Variants in RNF13 observed in about 807,000 individuals in gnomAD.
RNF13 encodes the protein E3 ubiquitin-protein ligase RNF13.
RNF13 carries 19 observed loss-of-function variants against 37.7 expected under a neutral mutation model. The ratio of observed to expected loss-of-function variants is 0.50; its 90% CI spans 0.35 to 0.74. RNF13 has a LOEUF of 0.74. Ranked by LOEUF, RNF13 falls within the 30% of genes least tolerant of loss-of-function variation. The pLI is 0.01. For missense variants in RNF13, 375 were observed against 453.0 expected (o/e 0.83, Z 1.56); for synonymous variants, 144 against 157.8 (o/e 0.91, Z 0.65).
At chr3:149,871,562 A>G (rs1056850751) in intron 3 of RNF13, among the ~76,000 whole-genome samples, 2 of 151,724 alleles carry the variant, frequency 1.3e-5, no homozygotes, top group African/African-American at 4.8e-5. Context: ...AGTTTTTGCT[A>G]TTAAAAATAA....
At chr3:149,813,109 CGCGTGA>C (rs1343475809), upstream of RNF13, 1 of 152,264 alleles carries the variant, frequency 6.6e-6, no homozygotes, top group East Asian at 1.9e-4. Context: ...AGCGAGACTC[CGCGTGA>C]GAGTGGGAAA....
At chr3:149,819,356 C>T (rs1719802874) in intron 1 of RNF13, among the ~76,000 whole-genome samples, 1 of 152,128 alleles carries the variant, frequency 6.6e-6, no homozygotes, top group Middle Eastern at 3.4e-3. Context: ...AAAATATTAC[C>T]TAATATATAG....
intron 1 of RNF13, among the ~76,000 whole-genome samples, chr3:149,833,338 AT>A (rs1721266891): frequency 6.6e-6 from 1 of 152,032 alleles, no homozygotes; most frequent in African/African-American, 2.4e-5. Flanking sequence ...CAGGCAGGCC[AT>A]TATCTCTTAT....
In RNF13 at chr3:149,921,489, C is replaced by A. The variant is rs548225132; in HGVS notation, c.700+262C>A. ...CCAACAGGCCCTGTTGTGTGATGTT[C>A]CCCTCCCTGTGTCCATGTGTTCTCA... is the stretch of plus-strand genomic sequence containing the variant. On this transcript the variant is annotated intron_variant, in intron 8 of 9. Coordinates refer to ENST00000392894, the MANE Select transcript of RNF13 (RefSeq NM_183381.3). 5.9e-5 allele frequency among the ~76,000 whole-genome samples: 9 copies of A among 151,842 alleles called. No individual in the cohort carries two copies. The South Asian group carries it at 1.9e-3, about 32-fold the overall frequency.
chr3:149,933,726 G>A (rs572170977), intron 8 of RNF13, among the ~76,000 whole-genome samples: 55 of 151,908 alleles, frequency 3.6e-4, no homozygotes, highest in African/African-American at 1.3e-3. Flanking sequence ...TGGGACTATA[G>A]GTACCCACGA....
At chr3:149,915,288 T>C (rs1717390090) in intron 7 of RNF13, among the ~76,000 whole-genome samples, 1 of 152,206 alleles carries the variant, frequency 6.6e-6, no homozygotes. Flanking sequence ...TAATTTTTTA[T>C]ACTTGGATAT....
chr3:149,851,099 G>T (rs1394648898), intron 2 of RNF13: 1 of 152,172 alleles, frequency 6.6e-6, no homozygotes, highest in African/African-American at 2.4e-5. Flanking sequence ...CATACAGTGA[G>T]AGGCAAAGGT....
chr3:149,824,737 T>A (rs1485086609), intron 1 of RNF13, among the ~76,000 whole-genome samples: 1 of 151,922 alleles, frequency 6.6e-6, no homozygotes, highest in East Asian at 1.9e-4. Context: ...ATTATATGAT[T>A]ATGTCTAGTT....
intron 3 of RNF13, among the ~76,000 whole-genome samples, chr3:149,871,621 A>G (rs766288577): frequency 1.9e-4 from 29 of 151,610 alleles, no homozygotes; most frequent in Non-Finnish European, 2.1e-4. Context: ...TCAGGCTAGC[A>G]TTTCTGCAGA....
chr3:149,828,614 A>G (rs897034068), intron 1 of RNF13, among the ~76,000 whole-genome samples: 1 of 152,162 alleles, frequency 6.6e-6, no homozygotes. Context: ...ACTGGTGACA[A>G]CAGTGGTATT....
chr3:149,896,038 C>CTTTCT (rs961279918), intron 5 of RNF13, among the ~76,000 whole-genome samples: 5 of 152,100 alleles, frequency 3.3e-5, no homozygotes, highest in Admixed American at 6.5e-5. Context: ...ATGGGAATGT[C>CTTTCT]TTTCTTTACT....
chr3:149,948,659 A>G (rs551750208), intron 8 of RNF13, among the ~76,000 whole-genome samples: 1 of 152,318 alleles, frequency 6.6e-6, no homozygotes, highest in South Asian at 2.1e-4. Flanking sequence ...CTCCCATTCT[A>G]TGTTATTGAT....
intron 4 of RNF13, among the ~76,000 whole-genome samples, chr3:149,872,891 C>A (rs1349903960): frequency 6.6e-6 from 1 of 152,168 alleles, no homozygotes; most frequent in Non-Finnish European, 1.5e-5. Context: ...ATGATACCTC[C>A]ATAGTAAACT....
chr3:149,908,827 AATTAGACAGGTT>A (rs1716689901), intron 6 of RNF13, among the ~76,000 whole-genome samples: 1 of 152,186 alleles, frequency 6.6e-6, no homozygotes, highest in South Asian at 2.1e-4. Flanking sequence ...AGGATGGGGA[AATTAGACAGGTT>A]ATTATTATCA....
intron 8 of RNF13, among the ~76,000 whole-genome samples, chr3:149,935,992 T>C (rs1396089732): frequency 6.6e-6 from 1 of 152,116 alleles, no homozygotes; most frequent in African/African-American, 2.4e-5. Context: ...GGTTGAAGGA[T>C]AGCTTTGCTG....
chr3:149,930,883 T>G (rs1356866399), intron 8 of RNF13, among the ~76,000 whole-genome samples: 4 of 152,208 alleles, frequency 2.6e-5, no homozygotes, highest in African/African-American at 9.6e-5. Context: ...TGTTTTTATA[T>G]TCATAGGATT....
chr3:149,829,666 T>C (rs1390993072), intron 1 of RNF13, among the ~76,000 whole-genome samples: 3 of 152,186 alleles, frequency 2.0e-5, no homozygotes, highest in South Asian at 2.1e-4. Context: ...ATTATTGTTG[T>C]TTTTGTTTTG....
At chr3:149,959,786 G>A (rs987873041) in intron 8 of RNF13, among the ~76,000 whole-genome samples, 2 of 152,158 alleles carry the variant, frequency 1.3e-5, no homozygotes, top group African/African-American at 4.8e-5. Flanking sequence ...ATTTGGTTAG[G>A]TAGAACACTG....
intron 4 of RNF13, among the ~76,000 whole-genome samples, chr3:149,891,161 C>T (rs77385966): frequency 1.3e-5 from 2 of 152,282 alleles, no homozygotes; most frequent in African/African-American, 4.8e-5. Context: ...TCAGCTCTGC[C>T]TAAGTGTGAC....
Sources: gnomAD v4.1 joint callset for allele counts (sites outside exome capture counted in the v4.1 genomes callset) on GRCh38, gnomAD v4.1.1 for gene constraint, MANE v1.5 for transcripts, NCBI Gene and HGNC (gene_info 2026-07-23, HGNC 2026-07-21) for gene names.